Variants in EEPD1 observed in about 807,000 individuals in gnomAD.
EEPD1 encodes endonuclease/exonuclease/phosphatase family domain-containing protein 1.
Under a neutral mutation model 46.3 loss-of-function variants are expected in EEPD1, and 17 were observed. That is an observed-to-expected ratio of 0.37 (90% confidence interval 0.25 to 0.55). The LOEUF is 0.55. EEPD1 is among the 20% of genes least tolerant of loss of function. The probability of loss-of-function intolerance (pLI) is 0.83; values close to 1 mark genes in which losing one functional copy is unlikely to be tolerated. For missense variants in EEPD1, 673 were observed against 745.6 expected (o/e 0.90, Z 1.13); for synonymous variants, 313 against 315.6 (o/e 0.99, Z 0.09).
rs139658869 is a variant in EEPD1, at chr7:36,219,306, C to G, written c.879-19679C>G. On this transcript the variant is annotated intron_variant, in intron 2 of 7. Transcript: ENST00000242108. ...CAAAAGAGCAACTAGATGGCAAAGC[C>G]TAAACTCGTGGTCATTTTACAGGAA... Among the ~76,000 whole-genome samples the G allele has an allele frequency of 6.0e-5, 9 of 150,938 alleles. No homozygotes were observed. In the East Asian group the frequency reaches 1.7e-3, roughly 29 times the overall value.
chr7:36,179,340 A>G (rs1785234227), intron 2 of EEPD1, among the ~76,000 whole-genome samples: 1 of 152,228 alleles, frequency 6.6e-6, no homozygotes, highest in South Asian at 2.1e-4. Flanking sequence ...CAGTACTTCT[A>G]CATGATTTAT....
rs1784779620 is a variant in EEPD1, at chr7:36,154,401, C to T, written c.77C>T (p.Ala26Val). 1 of 1,614,132 alleles carries T rather than the reference C, an allele frequency of 6.2e-7. No individual in the cohort carries two copies. Among genetic ancestry groups the T allele is most frequent in the Non-Finnish European group, 8.5e-7 (1 of 1,180,046 alleles). Residue 26 changes from alanine (A) to valine (V), a missense_variant, in exon 2 of 8, where the codon GCA (alanine) becomes GTA (valine). Coordinates refer to ENST00000242108, the MANE Select transcript of EEPD1 (RefSeq NM_030636.3). This position sits in a 1 kb window ranked among gnomAD's most constrained non-coding sequence, Gnocchi z 4.2. The stretch of plus-strand genomic sequence containing the variant: ...CTGTCCCATAGCCGCAAGTTCAGCG[C>T]AGCCTGTAACTTCAGCAACATTCTA... The part of the protein sequence containing the change: ...SDLSHSRKFS[A>V]ACNFSNILVN...
At chr7:36,196,824 C>T (rs5755155) in intron 2 of EEPD1, among the ~76,000 whole-genome samples, 9 of 151,800 alleles carry the variant, frequency 5.9e-5, no homozygotes, top group Admixed American at 5.9e-4. Flanking sequence ...AGCCTCTGCC[C>T]GGCCGCCACC....
chr7:36,162,083 A>G (rs1009446830), intron 2 of EEPD1, among the ~76,000 whole-genome samples: 6 of 152,162 alleles, frequency 3.9e-5, no homozygotes, highest in Non-Finnish European at 7.3e-5. Flanking sequence ...ATGACTTCTC[A>G]TATCATAACA....
chr7:36,188,066 G>A (rs1057481204), intron 2 of EEPD1, among the ~76,000 whole-genome samples: 1 of 152,146 alleles, frequency 6.6e-6, no homozygotes, highest in Non-Finnish European at 1.5e-5. Context: ...AAAGTGCTGG[G>A]ATTACAGGTG....
rs143445715 is a variant in EEPD1, at chr7:36,155,161, C to T, written c.837C>T (p.Pro279=). The T allele has an allele frequency of 9.2e-5, 140 of 1,522,516 alleles. No individual in the cohort carries two copies. In the East Asian group the frequency reaches 2.2e-3, roughly 24 times the overall value. 94.3% of individuals were successfully genotyped at this position (1,522,516 alleles called of 1,614,324 possible). The change falls in exon 2 of 8, where the codon CCC becomes CCT. Residue 279 remains proline (P), a synonymous_variant. Coordinates refer to ENST00000242108, the MANE Select transcript of EEPD1 (RefSeq NM_030636.3). ...GTTCCGTGGAGAAGGCCAACAACCCCGGGGTGCGAGAGGTGGTGTGCATGA... is the reference window on the plus strand; with the variant it reads ...GTTCCGTGGAGAAGGCCAACAACCCTGGGGTGCGAGAGGTGGTGTGCATGA... The part of the protein sequence containing the change: ...QGCSVEKANN[P]GVREVVCMTL...
intron 4 of EEPD1, among the ~76,000 whole-genome samples, chr7:36,283,880 CAT>C (rs1787298930): frequency 6.6e-6 from 1 of 152,208 alleles, no homozygotes; most frequent in Non-Finnish European, 1.5e-5. Context: ...TCTCAAATGA[CAT>C]GCAGATGGCT....
chr7:36,215,261 C>T (rs74807692), intron 2 of EEPD1, among the ~76,000 whole-genome samples: 5,505 of 152,320 alleles, frequency 0.036, 136 homozygotes, highest in Non-Finnish European at 0.056. Context: ...CAGTAGGCGC[C>T]TTGGCGCCAT....
chr7:36,173,422 C>T (rs1005002052), intron 2 of EEPD1, among the ~76,000 whole-genome samples: 2 of 151,296 alleles, frequency 1.3e-5, no homozygotes, highest in Non-Finnish European at 2.9e-5. Flanking sequence ...TCACTTGAAC[C>T]CAGGAGGTGG....
chr7:36,261,886 C>A (rs904253822), intron 3 of EEPD1, among the ~76,000 whole-genome samples: 1 of 152,184 alleles, frequency 6.6e-6, no homozygotes, highest in Non-Finnish European at 1.5e-5. Context: ...GTAATTCCTA[C>A]AGCTGATAAA....
intron 3 of EEPD1, among the ~76,000 whole-genome samples, chr7:36,242,768 CAAAAAAAA>C (rs34909516): frequency 3.5e-5 from 3 of 85,406 alleles, no homozygotes; most frequent in African/African-American, 1.5e-4. Context: ...AATAAAAATA[CAAAAAAAA>C]AAAAAAAAAA....
chr7:36,189,004 T>C (rs1408021756), intron 2 of EEPD1, among the ~76,000 whole-genome samples: 1 of 152,216 alleles, frequency 6.6e-6, no homozygotes, highest in East Asian at 1.9e-4. Context: ...ACCAGTTGAG[T>C]CATTCGTGGG....
At chr7:36,195,685 T>C (rs1785568736) in intron 2 of EEPD1, among the ~76,000 whole-genome samples, 1 of 152,172 alleles carries the variant, frequency 6.6e-6, no homozygotes, top group African/African-American at 2.4e-5. Flanking sequence ...TCTCTTGTAC[T>C]TCATGGTGGC....
chr7:36,208,912 C>T (rs1020505548), intron 2 of EEPD1, among the ~76,000 whole-genome samples: 1 of 152,216 alleles, frequency 6.6e-6, no homozygotes, highest in African/African-American at 2.4e-5. Context: ...CGGGGTCCAG[C>T]AGTCTGTGGT....
intron 2 of EEPD1, among the ~76,000 whole-genome samples, chr7:36,191,986 T>C (rs888732124): frequency 2.0e-5 from 3 of 152,204 alleles, no homozygotes; most frequent in Admixed American, 6.5e-5. Flanking sequence ...TAGAAGAGTC[T>C]AAGCCTTTAC....
chr7:36,213,517 A>G (rs1785973259), intron 2 of EEPD1, among the ~76,000 whole-genome samples: 1 of 152,210 alleles, frequency 6.6e-6, no homozygotes, highest in African/African-American at 2.4e-5. Context: ...TGTTCAGATT[A>G]TTGGTGGTCA....
At chr7:36,274,382 C>A (rs933106493) in intron 3 of EEPD1, among the ~76,000 whole-genome samples, 6 of 152,182 alleles carry the variant, frequency 3.9e-5, no homozygotes, top group Admixed American at 2.6e-4. Context: ...GCCCTGTAGG[C>A]CATGTGGCCT....
intron 2 of EEPD1, among the ~76,000 whole-genome samples, chr7:36,163,374 CT>C (rs1371484092): frequency 4.0e-5 from 6 of 151,848 alleles, no homozygotes; most frequent in Admixed American, 6.6e-5. Flanking sequence ...CGATGGTGTA[CT>C]TTTAGTGTCC....
intron 2 of EEPD1, among the ~76,000 whole-genome samples, chr7:36,170,334 G>A (rs567566132): frequency 1.9e-4 from 28 of 149,468 alleles, no homozygotes; most frequent in South Asian, 4.2e-4. Context: ...GCTTGAACCC[G>A]GGAGGCAGAG....
Sources: allele counts gnomAD v4.1 joint callset (sites outside exome capture counted in the v4.1 genomes callset), GRCh38; gene constraint gnomAD v4.1.1; non-coding constraint Gnocchi (gnomAD v3.1); transcripts MANE v1.5; gene names NCBI Gene and HGNC (gene_info 2026-07-23, HGNC 2026-07-21).